Variants in ASH1L observed in about 807,000 individuals in gnomAD.
The protein encoded by ASH1L is ASH1 like histone lysine methyltransferase.
A neutral mutation model predicts 269.0 loss-of-function variants in ASH1L; 23 were observed. The ratio of observed to expected loss-of-function variants is 0.09; its 90% CI spans 0.06 to 0.12. The LOEUF is 0.12. ASH1L is among the 10% of genes least tolerant of loss of function. The pLI is 1.00. For synonymous variants in ASH1L, 1,187 were observed against 1,253.5 expected (o/e 0.95, Z 1.12); for missense variants, 2,912 against 3,567.8 (o/e 0.82, Z 4.68).
In ASH1L at chr1:155,480,406, C is replaced by T. The variant is rs2148726480; in HGVS notation, c.2464G>A (p.Asp822Asn). The change falls in exon 3 of 28, where the codon GAT (aspartate) becomes AAT (asparagine). Residue 822 changes from aspartate (D) to asparagine (N), a missense_variant. Asp to Asn is a conservative substitution (Grantham distance 23). This residue lies in a region of ASH1L where 715 missense variants were observed against 721.0 expected (regional missense o/e 0.99). Transcript: ENST00000392403. ...CTTCCTCTTTTGGGCTTATAAATAT[C>T]AGACAAAAGGTCACTAGAGACACAC... ...SMCVSSDLLS[D>N]IYKPKRGRPK... 1 of 1,614,048 alleles carries T rather than the reference C, an allele frequency of 6.2e-7. No individual in the cohort carries two copies. The highest frequency in any genetic ancestry group is 2.2e-5 in the East Asian group (1 of 44,872).
At chr1:155,345,479 G>A (rs966810269) in intron 21 of ASH1L, among the ~76,000 whole-genome samples, 1 of 151,440 alleles carries the variant, frequency 6.6e-6, no homozygotes, top group Non-Finnish European at 1.5e-5. Context: ...CACTGCGCCC[G>A]GCCGAGGATG....
chr1:155,448,628 G>C (rs987469378), intron 4 of ASH1L, among the ~76,000 whole-genome samples: 3 of 152,068 alleles, frequency 2.0e-5, no homozygotes, highest in Non-Finnish European at 4.4e-5. Context: ...CTAAGTAGCT[G>C]GGATTACAGG....
chr1:155,480,855 A>G lies in ASH1L; in HGVS notation c.2015T>C (p.Phe672Ser), dbSNP rs1280413950. ...AGGCTTATTACTAAATAAACTAGTG[A>G]AGTTAACAACTGAAGGAGTAATAGT... is the stretch of plus-strand genomic sequence containing the variant. ...IHTITPSVVN[F>S]TSLFSNKPFL... The change falls in exon 3 of 28, where the codon TTC (phenylalanine) becomes TCC (serine). Residue 672 changes from phenylalanine to serine, a missense_variant. This residue lies in a region of ASH1L where 715 missense variants were observed against 721.0 expected (regional missense o/e 0.99). Coordinates refer to ENST00000392403, the MANE Select transcript of ASH1L (RefSeq NM_018489.3). 1 of 1,613,914 alleles carries G rather than the reference A, an allele frequency of 6.2e-7. No homozygotes were observed. The highest frequency in any genetic ancestry group is 1.7e-5 in the Admixed American group (1 of 59,982).
At chr1:155,495,646 T>C (rs896821921) in intron 2 of ASH1L, among the ~76,000 whole-genome samples, 2 of 152,190 alleles carry the variant, frequency 1.3e-5, no homozygotes, top group African/African-American at 2.4e-5. Context: ...CTGTTGACTT[T>C]ATAAACACTG....
At chr1:155,487,452 T>C (rs762612951) in intron 2 of ASH1L, among the ~76,000 whole-genome samples, 4 of 152,116 alleles carry the variant, frequency 2.6e-5, no homozygotes, top group African/African-American at 4.8e-5. Context: ...ATTCTAACTT[T>C]GAACTTCTAA....
chr1:155,423,754 G>T (rs114796823), intron 5 of ASH1L, among the ~76,000 whole-genome samples: 1 of 151,920 alleles, frequency 6.6e-6, no homozygotes, highest in Admixed American at 6.6e-5. Flanking sequence ...CTTTTGAGAC[G>T]GAGTCTCAGT....
chr1:155,550,588 G>T (rs1460474868), intron 1 of ASH1L, among the ~76,000 whole-genome samples: 2 of 152,116 alleles, frequency 1.3e-5, no homozygotes, highest in African/African-American at 4.8e-5. Flanking sequence ...CCAGATAGTT[G>T]CACTGGGTCC....
chr1:155,528,833 T>C (rs1669450922), intron 1 of ASH1L, among the ~76,000 whole-genome samples: 1 of 152,176 alleles, frequency 6.6e-6, no homozygotes, highest in Admixed American at 6.5e-5. Context: ...TTATTTTTCC[T>C]GATTCTCTCC....
chr1:155,495,520 T>C (rs1667087107), intron 2 of ASH1L, among the ~76,000 whole-genome samples: 1 of 152,126 alleles, frequency 6.6e-6, no homozygotes, highest in Non-Finnish European at 1.5e-5. Context: ...ATAGAAAATA[T>C]AAGTACACCT....
chr1:155,421,291 ATCT>A (rs2148561323), intron 5 of ASH1L, among the ~76,000 whole-genome samples: 1 of 142,342 alleles, frequency 7.0e-6, no homozygotes, highest in Non-Finnish European at 1.5e-5. Flanking sequence ...TGATCTATAG[ATCT>A]AACACAATCT....
chr1:155,339,183 C>T (rs1015324465), intron 26 of ASH1L, 145 bp downstream of exon 26: 14 of 663,736 alleles, frequency 2.1e-5, no homozygotes, highest in Non-Finnish European at 3.7e-5. Flanking sequence ...TTTAGTTCTT[C>T]CATAGTGCTG....
intron 1 of ASH1L, among the ~76,000 whole-genome samples, chr1:155,560,818 G>A (rs946747319): frequency 1.6e-4 from 24 of 152,182 alleles, no homozygotes; most frequent in African/African-American, 5.8e-4. Context: ...GAAATGCTCT[G>A]CTTCCTCCAT....
intron 10 of ASH1L, among the ~76,000 whole-genome samples, chr1:155,371,531 G>C (rs944238273): frequency 2.6e-5 from 4 of 152,144 alleles, no homozygotes; most frequent in Non-Finnish European, 4.4e-5. Context: ...CTGGGCGACA[G>C]AGTGAGACTC....
In ASH1L at chr1:155,415,761, G is replaced by A. The variant is rs1437509860; in HGVS notation, c.5991C>T (p.Asp1997=). 8 of 1,613,758 alleles carry A rather than the reference G, an allele frequency of 5.0e-6. No individual in the cohort carries two copies. Among genetic ancestry groups the A allele is most frequent in the African/African-American group, 2.7e-5 (2 of 74,882 alleles). Residue 1997 remains aspartate (D), a synonymous_variant, in exon 6 of 28, where the codon GAC becomes GAT. Transcript: ENST00000392403. Reference sequence around the variant, plus strand: ...CTACTTACTCTGTAGTTTTGTAAACGTCAGAATACAGCCCTGCTTTCTGAT... The same window carrying A: ...CTACTTACTCTGTAGTTTTGTAAACATCAGAATACAGCCCTGCTTTCTGAT... ...KKYQKAGLYS[D]VYKTTDPKSR...
Position 155,521,242 on chromosome 1 carries a change from G to A in ASH1L, c.278C>T (p.Ala93Val), listed in dbSNP as rs1001928178. 1 of 1,614,078 alleles carries A rather than the reference G, an allele frequency of 6.2e-7. No individual in the cohort carries two copies. The highest frequency in any genetic ancestry group is 8.5e-7 in the Non-Finnish European group (1 of 1,180,012). The change falls in exon 2 of 28, where the codon GCT becomes GTT. Residue 93 changes from alanine (A) to valine (V), a missense_variant. Transcript: ENST00000392403. ...CTTTGGAGGTTTTTTAGTTCTCTTA[G>A]CCTGGAGGCCAATTTTCAATTTTAA... Reference protein sequence around the residue: ...GNLKLKIGLQAKRTKKPPKNL... With the variant: ...GNLKLKIGLQVKRTKKPPKNL...
chr1:155,497,714 AC>A (rs1667243441), intron 2 of ASH1L, among the ~76,000 whole-genome samples: 1 of 152,036 alleles, frequency 6.6e-6, no homozygotes, highest in African/African-American at 2.4e-5. Context: ...AAATGTACAC[AC>A]AATGGAATAT....
intron 2 of ASH1L, among the ~76,000 whole-genome samples, chr1:155,497,452 G>A (rs1189050223): frequency 1.3e-5 from 2 of 152,136 alleles, no homozygotes; most frequent in African/African-American, 2.4e-5. Context: ...AAATGAAGAC[G>A]ATAAGGATGA....
chr1:155,394,645 G>C (rs571879531), intron 7 of ASH1L, among the ~76,000 whole-genome samples: 1 of 152,246 alleles, frequency 6.6e-6, no homozygotes, highest in East Asian at 1.9e-4. Context: ...ATGACTTCTT[G>C]GTACTTTTTA....
Position 155,428,948 on chromosome 1 carries a change from G to T in ASH1L, c.5828+9379C>A, listed in dbSNP as rs549839781. On this transcript the variant is annotated intron_variant, in intron 5 of 27. Coordinates refer to ENST00000392403, the MANE Select transcript of ASH1L (RefSeq NM_018489.3). Reference sequence around the variant, plus strand: ...TTCACACCTCTATATTTCTGTGTGTGTGTCTTTAATTCCTCTAGCGCCACT... The same window carrying T: ...TTCACACCTCTATATTTCTGTGTGTTTGTCTTTAATTCCTCTAGCGCCACT... 2.0e-5 allele frequency among the ~76,000 whole-genome samples: 3 copies of T among 152,310 alleles called. No individual in the cohort carries two copies. In the South Asian group the frequency reaches 6.2e-4, roughly 32 times the overall value.
Sources: gnomAD v4.1 joint callset for allele counts (sites outside exome capture counted in the v4.1 genomes callset) on GRCh38, gnomAD v4.1.1 for gene constraint, gnomAD v4.1.1 regional missense constraint, MANE v1.5 for transcripts, NCBI Gene and HGNC (gene_info 2026-07-23, HGNC 2026-07-21) for gene names.